The following PCDHGA6 variants were observed in gnomAD, a reference collection of about 807,000 sequenced individuals.
PCDHGA6 encodes protocadherin gamma subfamily A, 6, also known as protocadherin gamma-A6.
Under a neutral mutation model 60.6 loss-of-function variants are expected in PCDHGA6, and 41 were observed. The observed-to-expected ratio is 0.68, with a 90% CI of 0.53 to 0.88. The LOEUF (loss-of-function observed/expected upper bound fraction) is 0.88, where lower values mean the gene tolerates loss of function less well. Among genes scored for constraint, PCDHGA6 ranks in the 40% least tolerant of loss-of-function variants. The probability of loss-of-function intolerance (pLI) is 0.00; values close to 1 mark genes in which losing one functional copy is unlikely to be tolerated. For missense variants in PCDHGA6, 1,312 were observed against 1,203.0 expected (o/e 1.09, Z -1.34); for synonymous variants, 594 against 524.4 (o/e 1.13, Z -1.81).
intron 1 of PCDHGA6, among the ~76,000 whole-genome samples, chr5:141,474,102 AAAC>A (rs909174523): frequency 2.6e-4 from 40 of 152,286 alleles, no homozygotes; most frequent in African/African-American, 8.7e-4. Flanking sequence ...ACAACAACAA[AAAC>A]AACAACAACG....
Position 141,487,071 on chromosome 5 carries a change from C to A in PCDHGA6, c.2425-7736C>A. On this transcript the variant is annotated intron_variant, in intron 1 of 3. Coordinates refer to ENST00000517434, the MANE Select transcript of PCDHGA6 (RefSeq NM_018919.3). The surrounding 1 kb of genome is among the most constrained non-coding windows in gnomAD (Gnocchi z 5.0). ...GCTGGGGAGGTGCGGACGGCTGTTC[C>A]TATCCCAGCTGACCTCCCACCACAG... is the stretch of plus-strand genomic sequence containing the variant. The A allele has an allele frequency of 6.2e-7, 1 of 1,614,148 alleles. No individual in the cohort carries two copies. Among genetic ancestry groups the A allele is most frequent in the Non-Finnish European group, 8.5e-7 (1 of 1,180,002 alleles).
chr5:141,410,458 T>C (rs776990737), intron 1 of PCDHGA6: 9 of 1,613,922 alleles, frequency 5.6e-6, no homozygotes, highest in Middle Eastern at 3.3e-4. Context: ...CTTATTCTTA[T>C]AATCTGTGCA....
Position 141,417,818 on chromosome 5 carries a change from C to T in PCDHGA6, c.2424+41311C>T, listed in dbSNP as rs59981184. 5.7e-4 allele frequency: 859 copies of T among 1,512,530 alleles called. 1 individual carries two copies. The African/African-American group carries it at 0.011, about 19-fold the overall frequency. 93.7% of individuals were successfully genotyped at this position (1,512,530 alleles called of 1,614,324 possible). On this transcript the variant is annotated intron_variant, in intron 1 of 3. Coordinates refer to ENST00000517434, the MANE Select transcript of PCDHGA6 (RefSeq NM_018919.3). ...TTTAGCGCGGTAGAGTGCACTTTCTCCAACTGGAAAAGCGGGGACCCAGCG... is the reference window on the plus strand; with the variant it reads ...TTTAGCGCGGTAGAGTGCACTTTCTTCAACTGGAAAAGCGGGGACCCAGCG...
At chr5:141,398,506 A>G (rs2093664607) in intron 1 of PCDHGA6, 1 of 1,601,998 alleles carries the variant, frequency 6.2e-7, no homozygotes, top group South Asian at 1.1e-5. Context: ...CGAGGACATT[A>G]ATGACCACAC....
At chr5:141,451,832 G>A (rs1190124133) in intron 1 of PCDHGA6, among the ~76,000 whole-genome samples, 1 of 150,948 alleles carries the variant, frequency 6.6e-6, no homozygotes, top group Non-Finnish European at 1.5e-5. Context: ...AGTGAGCCGA[G>A]ATCACACCAC....
intron 1 of PCDHGA6, chr5:141,416,766 T>C (rs906070451): frequency 2.0e-5 from 3 of 152,212 alleles, no homozygotes; most frequent in African/African-American, 7.2e-5. Context: ...GATCTCTTAA[T>C]TTTATTACTA....
At chr5:141,403,060 T>G (rs2094346399) in intron 1 of PCDHGA6, 2 of 1,614,042 alleles carry the variant, frequency 1.2e-6, no homozygotes, top group Non-Finnish European at 8.5e-7. Flanking sequence ...ACTCAGTGCC[T>G]GAAGAGACAG....
At chr5:141,383,356 C>A (rs1046340065) in intron 1 of PCDHGA6, 1 of 1,613,884 alleles carries the variant, frequency 6.2e-7, no homozygotes, top group Non-Finnish European at 8.5e-7. Context: ...GGTTCGGTTT[C>A]CGTTAAGCGA....
intron 2 of PCDHGA6, among the ~76,000 whole-genome samples, chr5:141,500,184 T>TTTTTTTTATTTATTTA (rs1554186429): frequency 7.4e-6 from 1 of 135,886 alleles, no homozygotes; most frequent in African/African-American, 2.7e-5. Flanking sequence ...TCATTTTTAT[T>TTTTTTTTATTTATTTA]TTTATTTATT....
At chr5:141,383,879 G>A (rs1196711965) in intron 1 of PCDHGA6, 2 of 1,613,862 alleles carry the variant, frequency 1.2e-6, no homozygotes, top group Non-Finnish European at 1.7e-6. Flanking sequence ...GGTCCTGGTA[G>A]TCTGACAAAG....
chr5:141,410,222 G>A, intron 1 of PCDHGA6: 2 of 1,614,018 alleles, frequency 1.2e-6, no homozygotes, highest in South Asian at 2.2e-5. Flanking sequence ...GATACTGCCA[G>A]ACCTCAGCGA....
At chr5:141,447,938 T>G in intron 1 of PCDHGA6, among the ~76,000 whole-genome samples, 1 of 151,870 alleles carries the variant, frequency 6.6e-6, no homozygotes, top group Admixed American at 6.6e-5. Flanking sequence ...ATACAAAAAT[T>G]AGCTGGGCAT....
At chr5:141,499,331 TCA>T (rs2099791249) in intron 2 of PCDHGA6, among the ~76,000 whole-genome samples, 1 of 152,220 alleles carries the variant, frequency 6.6e-6, no homozygotes, top group African/African-American at 2.4e-5. Context: ...CTGCTCTCTC[TCA>T]GTTTGGGCAG....
At chr5:141,443,093 C>T (rs1316602934) in intron 1 of PCDHGA6, among the ~76,000 whole-genome samples, 2 of 151,940 alleles carry the variant, frequency 1.3e-5, no homozygotes, top group African/African-American at 4.8e-5. Flanking sequence ...CAGTCTCCTT[C>T]TCAAGCTGAA....
intron 1 of PCDHGA6, chr5:141,400,138 A>T: frequency 6.2e-7 from 1 of 1,614,046 alleles, no homozygotes; most frequent in Non-Finnish European, 8.5e-7. Flanking sequence ...GCTGCCGGAT[A>T]TCACTGACCG....
At chr5:141,394,568 C>T (rs373695437) in intron 1 of PCDHGA6, 2 of 1,614,072 alleles carry the variant, frequency 1.2e-6, no homozygotes, top group African/African-American at 2.7e-5. Context: ...CAGAGCGTGG[C>T]TACCTGGTGA....
At chr5:141,472,855 A>C (rs1179268125) in intron 1 of PCDHGA6, among the ~76,000 whole-genome samples, 3 of 151,078 alleles carry the variant, frequency 2.0e-5, no homozygotes, top group African/African-American at 7.3e-5. Flanking sequence ...GCATGGTGGC[A>C]CATGCCTGTA....
intron 1 of PCDHGA6, among the ~76,000 whole-genome samples, chr5:141,450,639 A>T (rs1390959433): frequency 6.6e-6 from 1 of 151,390 alleles, no homozygotes; most frequent in Non-Finnish European, 1.5e-5. Flanking sequence ...GATGCCTGCC[A>T]CCATGCCTGG....
At chr5:141,418,817 G>A (rs2154547923) in intron 1 of PCDHGA6, 1 of 1,613,882 alleles carries the variant, frequency 6.2e-7, no homozygotes, top group Non-Finnish European at 8.5e-7. Flanking sequence ...GATAAACATA[G>A]AAGCAAAAGA....
Sources: allele counts gnomAD v4.1 joint callset (sites outside exome capture counted in the v4.1 genomes callset), GRCh38; gene constraint gnomAD v4.1.1; non-coding constraint Gnocchi (gnomAD v3.1); transcripts MANE v1.5; gene names NCBI Gene and HGNC (gene_info 2026-07-23, HGNC 2026-07-21).